The following AOX1 variants were observed in gnomAD, a reference collection of about 807,000 sequenced individuals.
AOX1 encodes the protein aldehyde oxidase.
In AOX1, 153 loss-of-function variants were observed where a neutral mutation model predicts 169.5. The ratio of observed to expected loss-of-function variants is 0.90; its 90% CI spans 0.79 to 1.03. The LOEUF (loss-of-function observed/expected upper bound fraction) is 1.03, where lower values mean the gene tolerates loss of function less well. Among genes scored for constraint, AOX1 ranks in the 50% least tolerant of loss-of-function variants. AOX1 has a pLI of 0.00. For synonymous variants in AOX1, 562 were observed against 581.9 expected (o/e 0.97, Z 0.49); for missense variants, 1,656 against 1,663.9 (o/e 1.00, Z 0.08).
chr2:200,587,124 C>A (rs12618843), intron 1 of AOX1, among the ~76,000 whole-genome samples: 31,238 of 151,152 alleles, frequency 0.21, 3,454 homozygotes, highest in East Asian at 0.44. Context: ...CCAAACAAAA[C>A]AAAACAACAA....
At chr2:200,586,481 G>A (rs1322139591) in intron 1 of AOX1, among the ~76,000 whole-genome samples, 1 of 152,158 alleles carries the variant, frequency 6.6e-6, no homozygotes, top group Non-Finnish European at 1.5e-5. Context: ...GCCCATCAGG[G>A]GTCAGCACTC....
chr2:200,621,163 G>A lies in AOX1; in HGVS notation c.1918G>A (p.Asp640Asn). 6.2e-7 allele frequency: 1 copy of A among 1,614,096 alleles called. No individual in the cohort carries two copies. Among genetic ancestry groups the A allele is most frequent in the Non-Finnish European group, 8.5e-7 (1 of 1,179,992 alleles). Reference protein sequence around the residue: ...SEALSMPGVVDIMTAEHLSDV... With the variant: ...SEALSMPGVVNIMTAEHLSDV... ...AGCTCTCAGCATGCCCGGTGTGGTG[G>A]ACATCATGACAGCAGAACATCTTAG... The change falls in exon 18 of 35, where the codon GAC (aspartate) becomes AAC (asparagine). Residue 640 changes from aspartate (D) to asparagine (N), a missense_variant. Physicochemically the swap from Asp to Asn is conservative, Grantham distance 23. Transcript: ENST00000374700.
Position 200,611,489 on chromosome 2 carries a change from G to C in AOX1, c.1259G>C (p.Arg420Thr), listed in dbSNP as rs770982946. The change falls in exon 13 of 35, where the codon AGG (arginine) becomes ACG (threonine). Residue 420 changes from arginine (R) to threonine (T), a missense_variant. Arg to Thr is a moderately conservative substitution (Grantham distance 71). Coordinates refer to ENST00000374700, the MANE Select transcript of AOX1 (RefSeq NM_001159.4). Reference protein sequence around the residue: ...ILVSVNIPYSRKWEFVSAFRQ... With the variant: ...ILVSVNIPYSTKWEFVSAFRQ... ...GTCTCAGTGAACATCCCCTACTCAA[G>C]GAAGGTGAGAACATCCCACTGTCAA... 27 of 1,602,892 alleles carry C rather than the reference G, an allele frequency of 1.7e-5. No individual in the cohort carries two copies. The highest frequency in any genetic ancestry group is 2.1e-5 in the Non-Finnish European group (24 of 1,170,024).
intron 34 of AOX1, 91 bp downstream of exon 34, chr2:200,669,833 T>C (rs1265011214): frequency 1.4e-6 from 2 of 1,381,602 alleles, no homozygotes; most frequent in Middle Eastern, 2.6e-4. Context: ...AACGCACTGC[T>C]GTGGCTTTTC....
At chr2:200,636,198 A>G (rs1222335507) in intron 21 of AOX1, among the ~76,000 whole-genome samples, 1 of 128,788 alleles carries the variant, frequency 7.8e-6, no homozygotes, top group Non-Finnish European at 1.5e-5. Flanking sequence ...GTGCCGTCTC[A>G]GCTCACTGCA....
intron 30 of AOX1, among the ~76,000 whole-genome samples, chr2:200,662,379 G>A (rs1404087832): frequency 6.6e-6 from 1 of 152,176 alleles, no homozygotes; most frequent in Non-Finnish European, 1.5e-5. Flanking sequence ...GAACAGAGCA[G>A]GCCATGGAGC....
chr2:200,595,445 A>G (rs2034263757), intron 3 of AOX1, 77 bp downstream of exon 3: 2 of 1,028,296 alleles, frequency 1.9e-6, no homozygotes, highest in Non-Finnish European at 2.9e-6. Context: ...TTTGGTAAAT[A>G]TATATTGAGT....
At chr2:200,625,730 C>G (rs1378154230) in intron 19 of AOX1, among the ~76,000 whole-genome samples, 1 of 152,054 alleles carries the variant, frequency 6.6e-6, no homozygotes, top group Non-Finnish European at 1.5e-5. Context: ...AAAGATGAAA[C>G]TTTTAAAAAT....
intron 16 of AOX1, among the ~76,000 whole-genome samples, chr2:200,617,823 G>A (rs1404915865): frequency 1.3e-5 from 2 of 152,118 alleles, no homozygotes; most frequent in Non-Finnish European, 2.9e-5. Flanking sequence ...AGCCCAAGCA[G>A]CATCACAGCT....
chr2:200,667,944 G>A (rs2035951573), intron 32 of AOX1, among the ~76,000 whole-genome samples: 1 of 151,970 alleles, frequency 6.6e-6, no homozygotes, highest in African/African-American at 2.4e-5. Flanking sequence ...CAGTCAGGGG[G>A]GTTTGTCTGC....
intron 2 of AOX1, 116 bp downstream of exon 2, chr2:200,593,319 T>A (rs2034213852): frequency 5.7e-6 from 5 of 873,964 alleles, no homozygotes; most frequent in Admixed American, 4.2e-5. Context: ...TTCCCTACTA[T>A]CATGGTTTTA....
Position 200,615,989 on chromosome 2 carries a change from A to C in AOX1, c.1630A>C (p.Ser544Arg). 6.2e-7 allele frequency: 1 copy of C among 1,613,488 alleles called. No individual in the cohort carries two copies. The highest frequency in any genetic ancestry group is 2.2e-5 in the East Asian group (1 of 44,864). Residue 544 changes from serine to arginine, a missense_variant, in exon 16 of 35, where the codon AGC becomes CGC. Coordinates refer to ENST00000374700, the MANE Select transcript of AOX1 (RefSeq NM_001159.4). ...LKKMDPVHYP[S>R]LADKYESALE... ...TTTTCAGGATCCAGTTCACTATCCT[A>C]GCCTTGCAGACAAGTATGAAAGTGC...
At chr2:200,592,861 G>GA (rs1163972308) in intron 1 of AOX1, among the ~76,000 whole-genome samples, 2 of 151,958 alleles carry the variant, frequency 1.3e-5, no homozygotes, top group African/African-American at 2.4e-5. Context: ...AAACTTTCTA[G>GA]AAAAAACTGG....
At chr2:200,614,115 T>A in intron 15 of AOX1, 149 bp downstream of exon 15, 3 of 725,238 alleles carry the variant, frequency 4.1e-6, no homozygotes, top group Non-Finnish European at 6.6e-6. Context: ...TCCCTCAGCC[T>A]GTCTGTGGGT....
chr2:200,662,261 C>T (rs1216574584), intron 30 of AOX1, among the ~76,000 whole-genome samples: 4 of 152,164 alleles, frequency 2.6e-5, no homozygotes, highest in Non-Finnish European at 4.4e-5. Flanking sequence ...TTAATGGCCA[C>T]CTCCAGGTTG....
At chr2:200,605,684 C>T (rs2034500374) in intron 10 of AOX1, 56 bp downstream of exon 10, 1 of 806,652 alleles carries the variant, frequency 1.2e-6, no homozygotes, top group African/African-American at 1.8e-5. Flanking sequence ...ATTTATTTAC[C>T]TTGCCCAGCA....
Position 200,620,837 on chromosome 2 carries a change from T to C in AOX1, c.1874+18T>C. The stretch of plus-strand genomic sequence containing the variant: ...AAGATTGTGTAAGTGGTAAAATTCT[T>C]ACTCAATGGGCATAAATGATTGTCT... On this transcript the variant is annotated intron_variant, in intron 17 of 34. Coordinates refer to ENST00000374700, the MANE Select transcript of AOX1 (RefSeq NM_001159.4). The C allele has an allele frequency of 6.3e-7, 1 of 1,588,706 alleles. No individual in the cohort carries two copies. The highest frequency in any genetic ancestry group is 8.5e-7 in the Non-Finnish European group (1 of 1,173,232).
Position 200,656,866 on chromosome 2 carries a change from C to G in AOX1, c.3100C>G (p.Leu1034Val). The change falls in exon 27 of 35, where the codon CTT becomes GTT. Residue 1034 changes from leucine (L) to valine (V), a missense_variant. By Grantham distance (32) the Leu-to-Val change is conservative. Coordinates refer to ENST00000374700, the MANE Select transcript of AOX1 (RefSeq NM_001159.4). ...GGCTGCTGCCTTGGTTCACATTTAT[C>G]TTGATGGCTCTGTGCTGGTCACTCA... ...GQAAALVHIY[L>V]DGSVLVTHGG... The G allele has an allele frequency of 6.3e-7, 1 of 1,585,748 alleles. No individual in the cohort carries two copies. The highest frequency in any genetic ancestry group is 8.6e-7 in the Non-Finnish European group (1 of 1,165,470).
At chr2:200,663,759 C>G (rs2035876119) in intron 31 of AOX1, among the ~76,000 whole-genome samples, 1 of 152,054 alleles carries the variant, frequency 6.6e-6, no homozygotes, top group Non-Finnish European at 1.5e-5. Context: ...TGTCATGTGA[C>G]CAAGCTACCA....
Sources: allele counts gnomAD v4.1 joint callset (sites outside exome capture counted in the v4.1 genomes callset), GRCh38; gene constraint gnomAD v4.1.1; transcripts MANE v1.5; gene names NCBI Gene and HGNC (gene_info 2026-07-23, HGNC 2026-07-21).